BCAS3: variants seen among roughly 807,000 people sequenced by gnomAD.
The protein encoded by BCAS3 is BCAS4/BCAS3 fusion.
A neutral mutation model predicts 116.1 loss-of-function variants in BCAS3; 53 were observed. The ratio of observed to expected loss-of-function variants is 0.46; its 90% CI spans 0.37 to 0.57. BCAS3 has a LOEUF of 0.57. BCAS3 is among the 20% of genes least tolerant of loss of function. The pLI is 0.00. For synonymous variants in BCAS3, 391 were observed against 408.2 expected (o/e 0.96, Z 0.51); for missense variants, 917 against 1,165.4 (o/e 0.79, Z 3.10).
At chr17:60,795,474 T>G (rs2047132192) in intron 6 of BCAS3, among the ~76,000 whole-genome samples, 1 of 152,138 alleles carries the variant, frequency 6.6e-6, no homozygotes, top group South Asian at 2.1e-4. Context: ...GTGGTGAAAG[T>G]GGGCATCCTT....
chr17:61,386,498 G>A (rs973817819), intron 23 of BCAS3, among the ~76,000 whole-genome samples: 14 of 152,230 alleles, frequency 9.2e-5, no homozygotes, highest in South Asian at 4.1e-4. Flanking sequence ...TCAGTGGGCA[G>A]CATCAATGCT....
chr17:60,860,867 G>A (rs1052360692), intron 7 of BCAS3, among the ~76,000 whole-genome samples: 1 of 152,136 alleles, frequency 6.6e-6, no homozygotes, highest in African/African-American at 2.4e-5. Flanking sequence ...TTTTGTATCA[G>A]TACCATGCTA....
At chr17:60,862,684 C>A (rs1447921137) in intron 7 of BCAS3, among the ~76,000 whole-genome samples, 2 of 152,110 alleles carry the variant, frequency 1.3e-5, no homozygotes, top group Non-Finnish European at 2.9e-5. Flanking sequence ...CAGGGTGTCA[C>A]TCTGTTGCCC....
In BCAS3 at chr17:61,151,873, GA is replaced by G. The variant is rs1332356329; in HGVS notation, c.2425+67311del. Among the ~76,000 whole-genome samples the G allele has an allele frequency of 6.6e-6, 1 of 152,160 alleles. No homozygotes were observed. Among genetic ancestry groups the G allele is most frequent in the Admixed American group, 6.5e-5 (1 of 15,278 alleles). ...ATGCCAATACTCCTCCTGCAAACGT[GA>G]ATGTTCCTAAAATGCACCAGACTTA... On this transcript the variant is annotated intron_variant, in intron 22 of 23. Coordinates refer to ENST00000407086, the MANE Select transcript of BCAS3 (RefSeq NM_017679.5). The surrounding 1 kb of genome is among the most constrained non-coding windows in gnomAD (Gnocchi z 4.8).
chr17:60,978,852 A>G (rs1172515416), intron 14 of BCAS3, among the ~76,000 whole-genome samples: 2 of 141,070 alleles, frequency 1.4e-5, no homozygotes, highest in Non-Finnish European at 1.5e-5. Flanking sequence ...GTTCTGTTCC[A>G]TTGATCTATA....
At chr17:60,727,810 CT>C (rs756342642) in intron 5 of BCAS3, among the ~76,000 whole-genome samples, 665 of 139,496 alleles carry the variant, frequency 4.8e-3, no homozygotes, top group Admixed American at 5.6e-3. Flanking sequence ...TACTTTTTTC[CT>C]TTTTTTTTTT....
At chr17:61,266,945 T>C (rs908017690) in intron 22 of BCAS3, among the ~76,000 whole-genome samples, 3 of 152,224 alleles carry the variant, frequency 2.0e-5, no homozygotes, top group Non-Finnish European at 4.4e-5. Flanking sequence ...GCCAGAGATA[T>C]AGTCAAAAGG....
chr17:60,907,513 G>A (rs2058249029), intron 11 of BCAS3, among the ~76,000 whole-genome samples: 1 of 152,228 alleles, frequency 6.6e-6, no homozygotes, highest in Non-Finnish European at 1.5e-5. Context: ...GTGACCCTTC[G>A]GCAAATCTGC....
chr17:60,919,482 G>A lies in BCAS3; in HGVS notation c.994-4925G>A, dbSNP rs140421955. Among the ~76,000 whole-genome samples the A allele has an allele frequency of 4.8e-3, 723 of 152,104 alleles. 5 individuals are homozygous for A. Among genetic ancestry groups the A allele is most frequent in the African/African-American group, 0.016 (680 of 41,506 alleles). ...TGGGACTACAGGTGTGTGCCACCAC[G>A]CCCAGCTAATTTTTGTGTTTTTAGT... On this transcript the variant is annotated intron_variant, in intron 12 of 23. Transcript: ENST00000407086.
In BCAS3 at chr17:61,128,217, A is replaced by G. The variant is rs1259879434; in HGVS notation, c.2425+43653A>G. The G allele has an allele frequency of 1.0e-6, 1 of 985,328 alleles. No homozygotes were observed. Among genetic ancestry groups the G allele is most frequent in the African/African-American group, 1.7e-5 (1 of 57,246 alleles). The allele number at this position is 985,328 out of a possible 1,614,324, so 61.0% of individuals were successfully genotyped here. On this transcript the variant is annotated intron_variant, in intron 22 of 23. Transcript: ENST00000407086. The surrounding 1 kb of genome is among the most constrained non-coding windows in gnomAD (Gnocchi z 4.1). ...GGAATAGTGTGAGTCAAGGATGAGT[A>G]CATGAAGATGAAGCCCATGCAATGA...
intron 19 of BCAS3, among the ~76,000 whole-genome samples, chr17:61,060,517 AT>A (rs1423093494): frequency 1.3e-5 from 2 of 152,120 alleles, no homozygotes; most frequent in Non-Finnish European, 2.9e-5. Flanking sequence ...TATTACTATG[AT>A]TTTTTAAATT....
chr17:61,334,735 A>G (rs1264559273), intron 22 of BCAS3, among the ~76,000 whole-genome samples: 2 of 152,028 alleles, frequency 1.3e-5, no homozygotes, highest in Non-Finnish European at 1.5e-5. Flanking sequence ...TGTCTTACAC[A>G]TAATAGATCC....
intron 10 of BCAS3, among the ~76,000 whole-genome samples, chr17:60,900,644 A>G (rs2057826954): frequency 6.6e-6 from 1 of 152,136 alleles, no homozygotes; most frequent in Admixed American, 6.5e-5. Context: ...GTGTTTGACC[A>G]AAGTCTATAT....
At chr17:61,060,188 G>A (rs1208706775) in intron 19 of BCAS3, among the ~76,000 whole-genome samples, 9 of 151,474 alleles carry the variant, frequency 5.9e-5, no homozygotes, top group South Asian at 2.1e-4. Flanking sequence ...GTGCAGTGGC[G>A]CAATCTTGGC....
chr17:61,058,520 C>T (rs185310852), intron 19 of BCAS3, among the ~76,000 whole-genome samples: 9 of 152,172 alleles, frequency 5.9e-5, no homozygotes, highest in South Asian at 2.1e-4. Context: ...GCATGTCATC[C>T]GTGGTTGCAT....
At position 61,332,200 on chromosome 17, in the gene BCAS3, T is replaced by C. The variant is rs59674171; in HGVS notation, c.2426-36127T>C. Reference sequence around the variant, plus strand: ...AGAGACACCTGGATGGCTTCTCTTCTATGTTTCGGGGACATGAGAAGAAGG... The same window carrying C: ...AGAGACACCTGGATGGCTTCTCTTCCATGTTTCGGGGACATGAGAAGAAGG... On this transcript the variant is annotated intron_variant, in intron 22 of 23. Coordinates refer to ENST00000407086, the MANE Select transcript of BCAS3 (RefSeq NM_017679.5). The surrounding 1 kb of genome is among the most constrained non-coding windows in gnomAD (Gnocchi z 5.4). Among the ~76,000 whole-genome samples, 84 of 152,274 alleles carry C rather than the reference T, an allele frequency of 5.5e-4. No homozygotes were observed. The highest frequency in any genetic ancestry group is 1.9e-3 in the African/African-American group (80 of 41,554).
Position 61,309,179 on chromosome 17 carries a change from A to G in BCAS3, c.2426-59148A>G, listed in dbSNP as rs988762674. On this transcript the variant is annotated intron_variant, in intron 22 of 23. Transcript: ENST00000407086. This position sits in a 1 kb window ranked among gnomAD's most constrained non-coding sequence, Gnocchi z 4.6. Reference sequence around the variant, plus strand: ...CCTTGGGTTTAGTGACAGGGAAAAAAGAACGTTAGCTCATGTGAGGATACG... The same window carrying G: ...CCTTGGGTTTAGTGACAGGGAAAAAGGAACGTTAGCTCATGTGAGGATACG... Among the ~76,000 whole-genome samples, 4 of 152,238 alleles carry G rather than the reference A, an allele frequency of 2.6e-5. No individual in the cohort carries two copies. Among genetic ancestry groups the G allele is most frequent in the African/African-American group, 9.6e-5 (4 of 41,468 alleles).
chr17:61,250,631 C>G (rs1555794432), intron 22 of BCAS3, among the ~76,000 whole-genome samples: 1 of 152,246 alleles, frequency 6.6e-6, no homozygotes, highest in Non-Finnish European at 1.5e-5. Context: ...GGGGCACAGT[C>G]TCCCGTTTTC....
At position 61,363,621 on chromosome 17, in the gene BCAS3, A is replaced by G. The variant is rs1295975720; in HGVS notation, c.2426-4706A>G. ...CTCGACTCATATCATAGTGGACACT[A>G]ACTAATATTTGATATATGTGTGAGT... is the stretch of plus-strand genomic sequence containing the variant. On this transcript the variant is annotated intron_variant, in intron 22 of 23. Coordinates refer to ENST00000407086, the MANE Select transcript of BCAS3 (RefSeq NM_017679.5). The surrounding 1 kb of genome is among the most constrained non-coding windows in gnomAD (Gnocchi z 4.9). Among the ~76,000 whole-genome samples the G allele has an allele frequency of 2.0e-5, 3 of 151,896 alleles. No individual in the cohort carries two copies. Among genetic ancestry groups the G allele is most frequent in the Non-Finnish European group, 2.9e-5 (2 of 68,000 alleles).
Sources: gnomAD v4.1 joint callset for allele counts (sites outside exome capture counted in the v4.1 genomes callset) on GRCh38, gnomAD v4.1.1 for gene constraint, Gnocchi (gnomAD v3.1) non-coding constraint, MANE v1.5 for transcripts, NCBI Gene and HGNC (gene_info 2026-07-23, HGNC 2026-07-21) for gene names.